PDE9A: variants seen among roughly 807,000 people sequenced by gnomAD.
PDE9A encodes the protein high affinity cGMP-specific 3',5'-cyclic phosphodiesterase 9A.
A neutral mutation model predicts 87.4 loss-of-function variants in PDE9A; 60 were observed. That is an observed-to-expected ratio of 0.69 (90% CI 0.56 to 0.85). The LOEUF (loss-of-function observed/expected upper bound fraction) is 0.85, where lower values mean the gene tolerates loss of function less well. Among genes scored for constraint, PDE9A ranks in the 40% least tolerant of loss-of-function variants. The pLI, the probability that PDE9A is intolerant of heterozygous loss-of-function variation, is 0.00. For synonymous variants in PDE9A, 272 were observed against 279.4 expected (o/e 0.97, Z 0.27); for missense variants, 665 against 779.0 (o/e 0.85, Z 1.74).
intron 19 of PDE9A, among the ~76,000 whole-genome samples, chr21:42,773,063 C>T (rs2147239164): frequency 6.7e-6 from 1 of 150,242 alleles, no homozygotes; most frequent in Admixed American, 6.6e-5. Context: ...GAGTTCAAGA[C>T]CCAGCTTGGC....
intron 1 of PDE9A, among the ~76,000 whole-genome samples, chr21:42,658,162 G>A (rs755078625): frequency 7.2e-5 from 11 of 152,256 alleles, no homozygotes; most frequent in African/African-American, 2.2e-4. Context: ...AGGCCTTCTC[G>A]TGATGCTTCC....
chr21:42,747,572 C>G (rs1336882509), intron 8 of PDE9A, among the ~76,000 whole-genome samples: 1 of 152,256 alleles, frequency 6.6e-6, no homozygotes, highest in Non-Finnish European at 1.5e-5. Flanking sequence ...CACACAGCAC[C>G]CGGGAGCAGG....
At chr21:42,700,053 G>A (rs756821501) in intron 4 of PDE9A, among the ~76,000 whole-genome samples, 5 of 151,808 alleles carry the variant, frequency 3.3e-5, no homozygotes, top group African/African-American at 9.7e-5. Context: ...AGTCCACAAC[G>A]GACCTGCTTT....
In PDE9A at chr21:42,743,852, A is replaced by G. The variant is rs548267965; in HGVS notation, c.645A>G (p.Arg215=). ...AGATGAGGGAGGAGCTGGCGGCCAG[A>G]AGCAGCAGGTAGGGTCTGCGCTGGG... ...IKKMREELAA[R]SSRTNCPCKY... is the part of the protein sequence containing the mutation. The change falls in exon 8 of 20, where the codon AGA becomes AGG. Residue 215 remains arginine, a synonymous_variant. Coordinates refer to ENST00000291539, the MANE Select transcript of PDE9A (RefSeq NM_002606.3). 1 of 1,574,172 alleles carries G rather than the reference A, an allele frequency of 6.4e-7. No individual in the cohort carries two copies. The highest frequency in any genetic ancestry group is 2.3e-5 in the East Asian group (1 of 42,604).
Position 42,687,610 on chromosome 21 carries a change from C to G in PDE9A, c.141-307C>G, listed in dbSNP as rs546039409. On this transcript the variant is annotated intron_variant, in intron 2 of 19. Coordinates refer to ENST00000291539, the MANE Select transcript of PDE9A (RefSeq NM_002606.3). ...TCATCTGCTGATATAAATGTTAGTT[C>G]CTATTTTACCACAGTTTTTTAAAAA... Among the ~76,000 whole-genome samples, 401 of 152,274 alleles carry G rather than the reference C, an allele frequency of 2.6e-3. 1 individual carries two copies. The highest frequency in any genetic ancestry group is 4.4e-3 in the Non-Finnish European group (298 of 68,028).
Position 42,723,550 on chromosome 21 carries a change from G to A in PDE9A, c.263-8220G>A, listed in dbSNP as rs1056742082. On this transcript the variant is annotated intron_variant, in intron 4 of 19. Transcript: ENST00000291539. The surrounding 1 kb of genome is among the most constrained non-coding windows in gnomAD (Gnocchi z 4.3). ...TTTATGAAAGTCATGGTATCTAGAG[G>A]TAAATCCCCATCAGCTTGGAGCAGC... Among the ~76,000 whole-genome samples, 2 of 152,158 alleles carry A rather than the reference G, an allele frequency of 1.3e-5. No homozygotes were observed. Among genetic ancestry groups the A allele is most frequent in the Admixed American group, 6.5e-5 (1 of 15,280 alleles).
intron 4 of PDE9A, among the ~76,000 whole-genome samples, chr21:42,730,470 T>C (rs1414930861): frequency 6.6e-6 from 1 of 152,118 alleles, no homozygotes; most frequent in Non-Finnish European, 1.5e-5. Context: ...ACGTTAATTA[T>C]AGAAAATGCA....
chr21:42,663,710 C>T (rs180970852), intron 1 of PDE9A, among the ~76,000 whole-genome samples: 2 of 152,314 alleles, frequency 1.3e-5, no homozygotes, highest in Non-Finnish European at 2.9e-5. Context: ...CTGAGACCAG[C>T]ACTGTGTGAC....
In PDE9A at chr21:42,659,598, C is replaced by T. The variant is rs1025405173; in HGVS notation, c.69+5715C>T. Reference sequence around the variant, plus strand: ...TGGGCACAGCATAGCCCCCATGACGCTTCTCTCATCCTGGACCCATCAGCC... The same window carrying T: ...TGGGCACAGCATAGCCCCCATGACGTTTCTCTCATCCTGGACCCATCAGCC... On this transcript the variant is annotated intron_variant, in intron 1 of 19. Transcript: ENST00000291539. The surrounding 1 kb of genome is among the most constrained non-coding windows in gnomAD (Gnocchi z 4.1). Among the ~76,000 whole-genome samples the T allele has an allele frequency of 6.6e-6, 1 of 152,232 alleles. No individual in the cohort carries two copies. Among genetic ancestry groups the T allele is most frequent in the Non-Finnish European group, 1.5e-5 (1 of 68,038 alleles).
At chr21:42,748,161 A>G (rs1192160132) in intron 8 of PDE9A, among the ~76,000 whole-genome samples, 2 of 152,242 alleles carry the variant, frequency 1.3e-5, no homozygotes, top group Non-Finnish European at 2.9e-5. Flanking sequence ...ACATGTGCGA[A>G]TGTTTACACA....
rs150427859 is a variant in PDE9A, at chr21:42,716,243, A to G, written c.263-15527A>G. On this transcript the variant is annotated intron_variant, in intron 4 of 19. Coordinates refer to ENST00000291539, the MANE Select transcript of PDE9A (RefSeq NM_002606.3). ...CATAAGATTTTAACACATTTGGATA[A>G]ATACCAAGAAGCACAATTGCTGGAT... Among the ~76,000 whole-genome samples, 1,164 of 151,914 alleles carry G rather than the reference A, an allele frequency of 7.7e-3. 71 individuals carry two copies. Among genetic ancestry groups the G allele is most frequent in the Admixed American group, 0.073 (1,108 of 15,224 alleles).
intron 10 of PDE9A, 104 bp from the exon 11 acceptor site, chr21:42,758,895 C>G: frequency 1.2e-6 from 1 of 816,402 alleles, no homozygotes. Flanking sequence ...CACCTCCTGC[C>G]AACGGCCCTG....
rs772602905 is a variant in PDE9A at position 42,705,558 on chromosome 21, G to A, written c.262+6547G>A. On this transcript the variant is annotated intron_variant, in intron 4 of 19. Transcript: ENST00000291539. The surrounding 1 kb of genome is among the most constrained non-coding windows in gnomAD (Gnocchi z 4.3). The stretch of plus-strand genomic sequence containing the variant: ...GCAGATCGCGTGGGTCCATGGGTCC[G>A]TGTGATCTCATGACCGTATCAAGGG... 2.6e-5 allele frequency among the ~76,000 whole-genome samples: 4 copies of A among 152,130 alleles called. No homozygotes were observed. Among genetic ancestry groups the A allele is most frequent in the Non-Finnish European group, 2.9e-5 (2 of 68,016 alleles).
In PDE9A at chr21:42,736,289, G is replaced by A. The variant is rs151191102; in HGVS notation, c.568+2863G>A. On this transcript the variant is annotated intron_variant, in intron 7 of 19. Coordinates refer to ENST00000291539, the MANE Select transcript of PDE9A (RefSeq NM_002606.3). The stretch of plus-strand genomic sequence containing the variant: ...TAACCCTGTGTGTCTTTGAATAACT[G>A]ACCCTGGAAAATAACCATCAAGCCA... 4.7e-3 allele frequency among the ~76,000 whole-genome samples: 715 copies of A among 152,236 alleles called. 4 individuals are homozygous for A. Among genetic ancestry groups the A allele is most frequent in the African/African-American group, 0.016 (656 of 41,528 alleles).
chr21:42,768,493 C>G, intron 16 of PDE9A: 1 of 1,231,642 alleles, frequency 8.1e-7, no homozygotes, highest in South Asian at 2.0e-5. Context: ...CAGTAACAAT[C>G]CAGAAAAGCT....
intron 1 of PDE9A, among the ~76,000 whole-genome samples, chr21:42,685,213 C>A (rs8131508): frequency 2.6e-4 from 39 of 152,210 alleles, no homozygotes; most frequent in African/African-American, 5.1e-4. Context: ...CGAAATACCC[C>A]CTCCCTGAGA....
intron 18 of PDE9A, among the ~76,000 whole-genome samples, chr21:42,771,488 T>A (rs929316837): frequency 4.6e-5 from 7 of 152,184 alleles, no homozygotes; most frequent in Non-Finnish European, 1.0e-4. Flanking sequence ...AGAACAGTCT[T>A]ACTACTCCTG....
At chr21:42,707,388 C>T (rs1037381524) in intron 4 of PDE9A, among the ~76,000 whole-genome samples, 3 of 152,160 alleles carry the variant, frequency 2.0e-5, no homozygotes, top group African/African-American at 4.8e-5. Flanking sequence ...GTGGCATACG[C>T]GGCTGCCCCG....
chr21:42,691,946 C>T (rs1348087971), intron 3 of PDE9A, among the ~76,000 whole-genome samples: 1 of 152,112 alleles, frequency 6.6e-6, no homozygotes, highest in Non-Finnish European at 1.5e-5. Flanking sequence ...CACCCAAAGT[C>T]ACCCAGCCCC....
Sources: gnomAD v4.1 joint callset for allele counts (sites outside exome capture counted in the v4.1 genomes callset) on GRCh38, gnomAD v4.1.1 for gene constraint, Gnocchi (gnomAD v3.1) non-coding constraint, MANE v1.5 for transcripts, NCBI Gene and HGNC (gene_info 2026-07-23, HGNC 2026-07-21) for gene names.